Variants in SLC1A3 observed in about 807,000 individuals in gnomAD.
SLC1A3 encodes solute carrier family 1 member 3, also known as excitatory amino acid transporter 1.
In SLC1A3, 21 loss-of-function variants were observed where a neutral mutation model predicts 48.1. The ratio of observed to expected loss-of-function variants is 0.44; its 90% CI spans 0.31 to 0.63. The LOEUF (loss-of-function observed/expected upper bound fraction) is 0.63, where lower values mean the gene tolerates loss of function less well. Among genes scored for constraint, SLC1A3 ranks in the 20% least tolerant of loss-of-function variants. The pLI is 0.08. For missense variants in SLC1A3, 546 were observed against 689.0 expected (o/e 0.79, Z 2.32); for synonymous variants, 239 against 251.4 (o/e 0.95, Z 0.47).
At chr5:36,678,291 A>C (rs1486452305) in intron 6 of SLC1A3, among the ~76,000 whole-genome samples, 1 of 152,208 alleles carries the variant, frequency 6.6e-6, no homozygotes, top group African/African-American at 2.4e-5. Context: ...AAGACAGATC[A>C]GAATGTGGTC....
intron 9 of SLC1A3, 76 bp downstream of exon 9, chr5:36,684,074 G>T: frequency 1.9e-6 from 3 of 1,574,106 alleles, no homozygotes; most frequent in Non-Finnish European, 2.6e-6. Context: ...CAGGCAGCCT[G>T]GCACATCTAC....
chr5:36,645,599 A>G (rs1028586603), intron 3 of SLC1A3, among the ~76,000 whole-genome samples: 1 of 152,026 alleles, frequency 6.6e-6, no homozygotes, highest in African/African-American at 2.4e-5. Flanking sequence ...TGCTGGGATT[A>G]CAGATGTGAG....
intron 8 of SLC1A3, among the ~76,000 whole-genome samples, chr5:36,683,244 T>C (rs1432148271): frequency 2.6e-5 from 4 of 152,230 alleles, no homozygotes; most frequent in African/African-American, 7.2e-5. Context: ...TGTTTAAAAG[T>C]GTATAGCTGC....
chr5:36,626,273 C>T lies in SLC1A3; in HGVS notation c.182-3177C>T, dbSNP rs74470132. Reference sequence around the variant, plus strand: ...AAGTGCACCTAGTATTTAGAATAATCGCTTCCTTCATCAGCCCTTGTTTGA... The same window carrying T: ...AAGTGCACCTAGTATTTAGAATAATTGCTTCCTTCATCAGCCCTTGTTTGA... On this transcript the variant is annotated intron_variant, in intron 2 of 9. Coordinates refer to ENST00000265113, the MANE Select transcript of SLC1A3 (RefSeq NM_004172.5). 1.5e-3 allele frequency among the ~76,000 whole-genome samples: 227 copies of T among 152,278 alleles called. 4 individuals are homozygous for T. In the East Asian group the frequency reaches 0.038, roughly 26 times the overall value.
At position 36,596,629 on chromosome 5, in the gene SLC1A3, T is replaced by A. The variant is rs537067688; in HGVS notation, c.-145T>A. ...AATGGAGTAAAGGTGCAAGTCCAAG[T>A]AGCTCTCTAGAAAGGGGAGACTCCA... On this transcript the variant is annotated 5_prime_UTR_variant, in exon 1 of 10. Transcript: ENST00000680318. 9.2e-5 allele frequency among the ~76,000 whole-genome samples: 14 copies of A among 152,344 alleles called. No homozygotes were observed. The South Asian group carries it at 2.9e-3, about 32-fold the overall frequency.
chr5:36,641,812 C>A (rs1429997554), intron 3 of SLC1A3, among the ~76,000 whole-genome samples: 1 of 152,094 alleles, frequency 6.6e-6, no homozygotes, highest in African/African-American at 2.4e-5. Flanking sequence ...ATATTGAATT[C>A]TATGAATTCT....
intron 3 of SLC1A3, chr5:36,667,773 A>G (rs576864213): frequency 6.6e-6 from 1 of 152,364 alleles, no homozygotes; most frequent in African/African-American, 2.4e-5. Context: ...CATGGTACTT[A>G]TAACAATAGT....
At chr5:36,683,027 C>T (rs1396433805) in intron 8 of SLC1A3, among the ~76,000 whole-genome samples, 1 of 152,220 alleles carries the variant, frequency 6.6e-6, no homozygotes, top group African/African-American at 2.4e-5. Flanking sequence ...ATTTCTAATA[C>T]TATAAAACTT....
intron 3 of SLC1A3, among the ~76,000 whole-genome samples, chr5:36,664,896 G>C (rs1741669374): frequency 6.6e-6 from 1 of 152,188 alleles, no homozygotes; most frequent in Non-Finnish European, 1.5e-5. Flanking sequence ...GGCAAAGGAA[G>C]GGAAAGCAAT....
intron 3 of SLC1A3, among the ~76,000 whole-genome samples, chr5:36,645,667 G>A (rs181724788): frequency 3.6e-4 from 55 of 152,236 alleles, no homozygotes; most frequent in African/African-American, 1.3e-3. Context: ...CCAAAGTGAA[G>A]CTTGCTGGAA....
intron 4 of SLC1A3, among the ~76,000 whole-genome samples, chr5:36,671,783 C>A (rs1742007172): frequency 1.3e-5 from 2 of 152,178 alleles, no homozygotes; most frequent in Non-Finnish European, 1.5e-5. Context: ...TAAAGGATGG[C>A]TTCTTTAGCA....
At chr5:36,667,349 A>G (rs951470941) in intron 3 of SLC1A3, among the ~76,000 whole-genome samples, 3 of 152,238 alleles carry the variant, frequency 2.0e-5, no homozygotes, top group African/African-American at 7.2e-5. Context: ...ATATTCCTCC[A>G]CAGAATTATC....
chr5:36,632,880 T>A (rs182434616), intron 3 of SLC1A3, among the ~76,000 whole-genome samples: 16 of 152,356 alleles, frequency 1.1e-4, no homozygotes, highest in African/African-American at 3.8e-4. Flanking sequence ...TCCCTGAATT[T>A]GAAACTCCAA....
intron 3 of SLC1A3, among the ~76,000 whole-genome samples, chr5:36,661,017 A>T (rs1041096682): frequency 5.3e-5 from 8 of 152,238 alleles, no homozygotes; most frequent in Admixed American, 5.2e-4. Flanking sequence ...CTCTATCACC[A>T]AAGATTTCAT....
chr5:36,623,682 C>T (rs866184940), intron 2 of SLC1A3, among the ~76,000 whole-genome samples: 1 of 147,170 alleles, frequency 6.8e-6, no homozygotes, highest in Non-Finnish European at 1.5e-5. Context: ...TGTGAAATAC[C>T]GTCTCTACTA....
chr5:36,623,857 C>A (rs1168130384), intron 2 of SLC1A3, among the ~76,000 whole-genome samples: 1 of 108,466 alleles, frequency 9.2e-6, no homozygotes, highest in African/African-American at 3.9e-5. Flanking sequence ...AGCAAGACAC[C>A]GTCTCAAAAA....
chr5:36,685,609 A>G (rs1286354739), intron 9 of SLC1A3, among the ~76,000 whole-genome samples: 1 of 152,130 alleles, frequency 6.6e-6, no homozygotes, highest in African/African-American at 2.4e-5. Context: ...GAATGGTACT[A>G]TTTTATGTTT....
rs12054904 is a variant in SLC1A3 at position 36,614,243 on chromosome 5, A to T, written c.181+5639A>T. Among the ~76,000 whole-genome samples the T allele has an allele frequency of 4.2e-3, 643 of 152,316 alleles. 18 individuals are homozygous for T. The East Asian group carries it at 0.058, about 14-fold the overall frequency. On this transcript the variant is annotated intron_variant, in intron 2 of 9. Coordinates refer to ENST00000265113, the MANE Select transcript of SLC1A3 (RefSeq NM_004172.5). ...AGTGTCCATAGACATTGTAAACCCCACATCTTTTATTTACATCTCTGATAT... is the reference window on the plus strand; with the variant it reads ...AGTGTCCATAGACATTGTAAACCCCTCATCTTTTATTTACATCTCTGATAT...
intron 3 of SLC1A3, chr5:36,670,745 T>G: frequency 2.0e-6 from 1 of 488,180 alleles, no homozygotes; most frequent in Non-Finnish European, 3.8e-6. Context: ...ATTGCACTTT[T>G]GGACCATTAG....
Sources: allele counts gnomAD v4.1 joint callset (sites outside exome capture counted in the v4.1 genomes callset), GRCh38; gene constraint gnomAD v4.1.1; transcripts MANE v1.5; gene names NCBI Gene and HGNC (gene_info 2026-07-23, HGNC 2026-07-21).